Variants in C12orf56 observed in about 807,000 individuals in gnomAD.
The protein encoded by C12orf56 is uncharacterized protein C12orf56.
In C12orf56, 71 loss-of-function variants were observed where a neutral mutation model predicts 69.9. The observed-to-expected ratio is 1.02, with a 90% CI of 0.84 to 1.24. C12orf56 has a LOEUF of 1.24. Ranked by LOEUF, C12orf56 falls within the 50% of genes most tolerant of loss-of-function variation. The pLI is 0.00. For synonymous variants in C12orf56, 276 were observed against 274.1 expected (o/e 1.01, Z -0.07); for missense variants, 732 against 738.5 (o/e 0.99, Z 0.10).
chr12:64,352,892 A>G lies in C12orf56; in HGVS notation c.415+2T>C, dbSNP rs749714736. 6.3e-7 allele frequency: 1 copy of G among 1,599,592 alleles called. No individual in the cohort carries two copies. The highest frequency in any genetic ancestry group is 1.1e-5 in the South Asian group (1 of 88,448). On this transcript the variant is annotated splice_donor_variant, in intron 2 of 12. Transcript: ENST00000543942. LOFTEE classifies it high-confidence loss of function. ...ATCCAGAGACAGATTGGAAGTACCT[A>G]CCTTTCTTGTTGTTAGCTTTAGTAT...
At chr12:64,310,949 A>G (rs534479002) in intron 5 of C12orf56, among the ~76,000 whole-genome samples, 36 of 148,330 alleles carry the variant, frequency 2.4e-4, no homozygotes, top group African/African-American at 8.5e-4. Flanking sequence ...ATTCCCACCT[A>G]TGAGTGAGAA....
In C12orf56 at chr12:64,363,052, C is replaced by A. The variant is rs567707519; in HGVS notation, c.253-9996G>T. Among the ~76,000 whole-genome samples the A allele has an allele frequency of 3.9e-5, 6 of 152,262 alleles. No individual in the cohort carries two copies. The South Asian group carries it at 1.0e-3, about 26-fold the overall frequency. On this transcript the variant is annotated intron_variant, in intron 1 of 12. Transcript: ENST00000543942. ...TGGTAAGACCTGTGTCTTGTGCTGA[C>A]CTTCTGTCTCATGCTGTGACTTAGA...
intron 3 of C12orf56, 52 bp from the exon 4 acceptor site, chr12:64,319,032 C>T (rs1024562199): frequency 3.6e-5 from 50 of 1,393,670 alleles, no homozygotes; most frequent in Admixed American, 3.2e-4. Flanking sequence ...TCACAGTAAG[C>T]AACAAAGAGA....
At chr12:64,268,584 A>G (rs1193497308) in intron 12 of C12orf56, among the ~76,000 whole-genome samples, 1 of 152,202 alleles carries the variant, frequency 6.6e-6, no homozygotes, top group African/African-American at 2.4e-5. Context: ...CTTAATGGAT[A>G]CTGAGTTTCT....
chr12:64,304,274 A>C (rs1038052669), intron 5 of C12orf56, among the ~76,000 whole-genome samples: 1 of 152,208 alleles, frequency 6.6e-6, no homozygotes, highest in African/African-American at 2.4e-5. Context: ...GCAGATGAGC[A>C]TGTGTTCAAG....
chr12:64,318,040 A>G (rs2038711665), intron 4 of C12orf56, among the ~76,000 whole-genome samples: 1 of 121,214 alleles, frequency 8.2e-6, no homozygotes, highest in Non-Finnish European at 1.7e-5. Context: ...CACCTTACCT[A>G]CCTCTACAAA....
At chr12:64,314,923 C>T (rs1389270785) in intron 4 of C12orf56, among the ~76,000 whole-genome samples, 4 of 146,108 alleles carry the variant, frequency 2.7e-5, no homozygotes, top group Non-Finnish European at 5.9e-5. Flanking sequence ...GAGTGAGCCA[C>T]CGCATCCGGC....
At chr12:64,318,055 C>G (rs2038711930) in intron 4 of C12orf56, among the ~76,000 whole-genome samples, 1 of 17,324 alleles carries the variant, frequency 5.8e-5, no homozygotes, top group African/African-American at 1.5e-4. Context: ...TACAAAACCC[C>G]AGGTGATTTT....
chr12:64,352,369 T>C (rs918963140), intron 2 of C12orf56: 17 of 152,346 alleles, frequency 1.1e-4, no homozygotes, highest in African/African-American at 3.9e-4. Flanking sequence ...ACTGCCATTT[T>C]CCCAAAACAG....
intron 12 of C12orf56, among the ~76,000 whole-genome samples, chr12:64,268,882 T>G (rs2037945121): frequency 6.6e-6 from 1 of 152,012 alleles, no homozygotes; most frequent in Admixed American, 6.6e-5. Flanking sequence ...ACACCTGTAA[T>G]CCTAGCACTT....
At chr12:64,322,348 T>C (rs2038784220) in intron 3 of C12orf56, among the ~76,000 whole-genome samples, 1 of 152,194 alleles carries the variant, frequency 6.6e-6, no homozygotes, top group African/African-American at 2.4e-5. Context: ...TTCCAGCTAT[T>C]GAGCCATTCA....
At chr12:64,301,897 A>G (rs2038450887) in intron 6 of C12orf56, among the ~76,000 whole-genome samples, 1 of 152,180 alleles carries the variant, frequency 6.6e-6, no homozygotes, top group African/African-American at 2.4e-5. Flanking sequence ...AGCCTACTAA[A>G]ATAAAGGCCA....
At chr12:64,303,322 C>T (rs904828933) in intron 6 of C12orf56, among the ~76,000 whole-genome samples, 1 of 149,248 alleles carries the variant, frequency 6.7e-6, no homozygotes, top group Non-Finnish European at 1.5e-5. Flanking sequence ...TTTCCCATCT[C>T]ACTGTCTATA....
intron 11 of C12orf56, among the ~76,000 whole-genome samples, chr12:64,273,665 A>G (rs957739957): frequency 1.3e-5 from 2 of 152,218 alleles, no homozygotes; most frequent in Non-Finnish European, 2.9e-5. Flanking sequence ...TTCACACTGC[A>G]TGTCCCAGAG....
At chr12:64,273,627 G>C (rs2136746794) in intron 11 of C12orf56, among the ~76,000 whole-genome samples, 1 of 152,332 alleles carries the variant, frequency 6.6e-6, no homozygotes, top group Admixed American at 6.5e-5. Context: ...CCAGTGCTTT[G>C]CTTGAAACAG....
In C12orf56 at chr12:64,323,565, C is replaced by CTTTTTTTTTTTTTTT. The variant is rs375927934; in HGVS notation, c.489-4586_489-4585insAAAAAAAAAAAAAAA. Among the ~76,000 whole-genome samples, 12 of 130,848 alleles carry CTTTTTTTTTTTTTTT rather than the reference C, an allele frequency of 9.2e-5. 1 individual carries two copies. Among genetic ancestry groups the CTTTTTTTTTTTTTTT allele is most frequent in the East Asian group, 2.1e-4 (1 of 4,652 alleles). 85.8% of individuals were successfully genotyped at this position (130,848 alleles called of 152,430 possible). On this transcript the variant is annotated intron_variant, in intron 3 of 12. Coordinates refer to ENST00000543942, the MANE Select transcript of C12orf56 (RefSeq NM_001170633.2). ...CTAAAACAACTACTGCAAACATTTC[C>CTTTTTTTTTTTTTTT]TTTTTTTTTTTTTGCCAAGACAGGG...
intron 1 of C12orf56, among the ~76,000 whole-genome samples, chr12:64,381,169 T>C (rs2039715456): frequency 6.6e-6 from 1 of 152,058 alleles, no homozygotes; most frequent in South Asian, 2.1e-4. Context: ...ATTGGTTGGG[T>C]CAGAGATGAA....
chr12:64,322,609 A>C (rs1008221557), intron 3 of C12orf56, among the ~76,000 whole-genome samples: 2 of 152,110 alleles, frequency 1.3e-5, no homozygotes, highest in African/African-American at 2.4e-5. Flanking sequence ...CTTGAGGCCC[A>C]GGAGTTCAAG....
At position 64,281,292 on chromosome 12, in the gene C12orf56, C is replaced by T. The variant is rs554558810; in HGVS notation, c.1310+3372G>A. The stretch of plus-strand genomic sequence containing the variant: ...TGTCTCAAAAAAAGAAAAAAGAGCC[C>T]GGGTGCGGTGGCTCATGCCTATAAT... On this transcript the variant is annotated intron_variant, in intron 8 of 12. Transcript: ENST00000543942. 8.8e-5 allele frequency among the ~76,000 whole-genome samples: 13 copies of T among 147,888 alleles called. No homozygotes were observed. In the South Asian group the frequency reaches 1.3e-3, roughly 15 times the overall value.
Sources: gnomAD v4.1 joint callset for allele counts (sites outside exome capture counted in the v4.1 genomes callset) on GRCh38, gnomAD v4.1.1 for gene constraint, MANE v1.5 for transcripts, NCBI Gene and HGNC (gene_info 2026-07-23, HGNC 2026-07-21) for gene names.